The following RASA3 variants were observed in gnomAD, a reference collection of about 807,000 sequenced individuals.
RASA3 encodes RAS p21 protein activator 3.
Under a neutral mutation model 110.0 loss-of-function variants are expected in RASA3, and 73 were observed. That is an observed-to-expected ratio of 0.66 (90% CI 0.55 to 0.81). RASA3 has a LOEUF of 0.81. Ranked by LOEUF, RASA3 falls within the 30% of genes least tolerant of loss-of-function variation. The pLI is 0.00. For synonymous variants in RASA3, 500 were observed against 451.4 expected, an observed-to-expected ratio of 1.11 and a Z score of -1.37; for missense variants, 976 against 1,113.2, an observed-to-expected ratio of 0.88 and a Z score of 1.75.
chr13:114,007,239 G>A (rs375390547), intron 18 of RASA3, among the ~76,000 whole-genome samples: 3 of 4,890 alleles, frequency 6.1e-4, no homozygotes, highest in Admixed American at 2.0e-3. Flanking sequence ...CCTGCCGGAC[G>A]CCACCTTACC....
chr13:114,030,753 A>G (rs2054148278), intron 4 of RASA3, among the ~76,000 whole-genome samples: 1 of 138,432 alleles, frequency 7.2e-6, no homozygotes, highest in Non-Finnish European at 1.5e-5. Flanking sequence ...TTGTGTGTGC[A>G]GCTGTGTATG....
chr13:113,984,410 A>G (rs2053003750), intron 22 of RASA3, among the ~76,000 whole-genome samples: 1 of 83,178 alleles, frequency 1.2e-5, no homozygotes, highest in Non-Finnish European at 2.7e-5. Flanking sequence ...CCCATCACTC[A>G]CCCCTTTGTC....
At chr13:114,022,959 T>C (rs892364461) in intron 8 of RASA3, among the ~76,000 whole-genome samples, 5 of 152,122 alleles carry the variant, frequency 3.3e-5, no homozygotes, top group African/African-American at 1.2e-4. Flanking sequence ...TGGATCTGAC[T>C]GACCACGTCA....
intron 8 of RASA3, 71 bp from the exon 9 acceptor site, chr13:114,021,579 G>T: frequency 8.0e-7 from 1 of 1,256,700 alleles, no homozygotes; most frequent in Non-Finnish European, 1.1e-6. Context: ...GACAGGCCAC[G>T]CTTTGTTCCC....
chr13:114,122,435 T>C (rs9805859), intron 1 of RASA3, among the ~76,000 whole-genome samples: 73,156 of 152,048 alleles, frequency 0.48, 17,715 homozygotes, highest in Admixed American at 0.55. Context: ...GCCCTGTCCA[T>C]CAGTCTGACC....
chr13:113,990,172 T>C (rs1198790751), intron 22 of RASA3, among the ~76,000 whole-genome samples: 2 of 152,182 alleles, frequency 1.3e-5, no homozygotes, highest in East Asian at 1.9e-4. Context: ...TCCCCAACCA[T>C]GCTTCCTGTA....
rs1555343913 is a variant in RASA3, at chr13:114,112,104, C to CA, written c.55+20330_55+20331insT. 2.6e-5 allele frequency among the ~76,000 whole-genome samples: 4 copies of CA among 151,886 alleles called. No individual in the cohort carries two copies. The highest frequency in any genetic ancestry group is 9.7e-5 in the African/African-American group (4 of 41,366). ...GGAAACAGCAGCCCCCAGGCACCCC[C>CA]CCCAGCAACTGGGACAAGGGCACAC... On this transcript the variant is annotated intron_variant, in intron 1 of 23. Transcript: ENST00000334062. This position sits in a 1 kb window ranked among gnomAD's most constrained non-coding sequence, Gnocchi z 4.8.
At chr13:114,075,820 G>A in intron 1 of RASA3, among the ~76,000 whole-genome samples, 1 of 84,570 alleles carries the variant, frequency 1.2e-5, no homozygotes, top group South Asian at 5.0e-4. Context: ...CCGGCAGGAC[G>A]AAGCCTCCCG....
At chr13:114,025,290 T>G (rs2054006795) in intron 7 of RASA3, among the ~76,000 whole-genome samples, 1 of 152,270 alleles carries the variant, frequency 6.6e-6, no homozygotes, top group Non-Finnish European at 1.5e-5. Flanking sequence ...GGGGCAGTTC[T>G]CTGCTTCGGG....
Position 113,982,001 on chromosome 13 carries a change from A to C in RASA3, c.2246-143T>G, listed in dbSNP as rs547656206. 28 of 712,600 alleles carry C rather than the reference A, an allele frequency of 3.9e-5. No individual in the cohort carries two copies. In the East Asian group the frequency reaches 7.9e-4, roughly 20 times the overall value. The allele number at this position is 712,600 out of a possible 1,614,324, so 44.1% of individuals were successfully genotyped here. On this transcript the variant is annotated intron_variant, in intron 22 of 23. Coordinates refer to ENST00000334062, the MANE Select transcript of RASA3 (RefSeq NM_007368.4). ...CCAGAAAGGGCTGACCACCACTCGT[A>C]AACGCAGACGGAGATAGAAACCATT...
intron 3 of RASA3, among the ~76,000 whole-genome samples, chr13:114,041,662 C>T (rs1325454192): frequency 6.6e-6 from 1 of 152,256 alleles, no homozygotes; most frequent in East Asian, 1.9e-4. Context: ...CAGCCTGAAA[C>T]ACACGTGTGC....
chr13:114,067,645 T>C (rs2079477339), intron 2 of RASA3, among the ~76,000 whole-genome samples: 1 of 152,174 alleles, frequency 6.6e-6, no homozygotes, highest in Non-Finnish European at 1.5e-5. Context: ...AAAGTACTAT[T>C]TTGGGGGTGA....
chr13:114,083,132 C>T (rs2079808804), intron 1 of RASA3, among the ~76,000 whole-genome samples: 1 of 152,230 alleles, frequency 6.6e-6, no homozygotes, highest in Admixed American at 6.5e-5. Context: ...ACTGGGAATG[C>T]TGGCGCTTCA....
intron 3 of RASA3, among the ~76,000 whole-genome samples, chr13:114,049,895 G>T (rs909376711): frequency 6.6e-6 from 1 of 152,246 alleles, no homozygotes; most frequent in Admixed American, 6.5e-5. Flanking sequence ...TGGGGCAGGG[G>T]AGGCAGGTCA....
rs143011304 is a variant in RASA3 at position 114,082,621 on chromosome 13, C to T, written c.56-8784G>A. 4.1e-4 allele frequency among the ~76,000 whole-genome samples: 62 copies of T among 152,322 alleles called. 1 individual carries two copies. Among genetic ancestry groups the T allele is most frequent in the Middle Eastern group, 6.8e-3 (2 of 294 alleles). On this transcript the variant is annotated intron_variant, in intron 1 of 23. Transcript: ENST00000334062. ...AACCATGAAGAACGTCTCCCAGCTGCGTCCCGTCTGGGGGCAGCCCCAGAG... is the reference window on the plus strand; with the variant it reads ...AACCATGAAGAACGTCTCCCAGCTGTGTCCCGTCTGGGGGCAGCCCCAGAG...
chr13:114,069,479 C>T (rs2139651975), intron 2 of RASA3, among the ~76,000 whole-genome samples: 1 of 57,044 alleles, frequency 1.8e-5, no homozygotes, highest in Non-Finnish European at 3.4e-5. Flanking sequence ...GACTCGGGGG[C>T]CGGGAGACTC....
rs911392092 is a variant in RASA3 at position 114,014,967 on chromosome 13, T to C, written c.1405+242A>G. Among the ~76,000 whole-genome samples, 1 of 150,336 alleles carries C rather than the reference T, an allele frequency of 6.7e-6. No individual in the cohort carries two copies. The highest frequency in any genetic ancestry group is 1.5e-5 in the Non-Finnish European group (1 of 67,596). On this transcript the variant is annotated intron_variant, in intron 14 of 23. Coordinates refer to ENST00000334062, the MANE Select transcript of RASA3 (RefSeq NM_007368.4). The surrounding 1 kb of genome is among the most constrained non-coding windows in gnomAD (Gnocchi z 4.5). ...GCGGTGGTGATCTCCAGGGCTGGGG[T>C]CCCCTGGAGACTACTGTGGAGGTGA...
At chr13:114,110,192 C>T (rs1276092937) in intron 1 of RASA3, among the ~76,000 whole-genome samples, 1 of 152,206 alleles carries the variant, frequency 6.6e-6, no homozygotes, top group Non-Finnish European at 1.5e-5. Flanking sequence ...AAATCTAAGT[C>T]AGTGGGACAG....
chr13:114,009,289 G>C, intron 17 of RASA3, 98 bp downstream of exon 17: 1 of 1,001,922 alleles, frequency 1.0e-6, no homozygotes, highest in African/African-American at 1.6e-5. Flanking sequence ...ATCGCTAATG[G>C]CCAAGTCTGT....
Sources: gnomAD v4.1 joint callset for allele counts (sites outside exome capture counted in the v4.1 genomes callset) on GRCh38, gnomAD v4.1.1 for gene constraint, Gnocchi (gnomAD v3.1) non-coding constraint, MANE v1.5 for transcripts, NCBI Gene and HGNC (gene_info 2026-07-23, HGNC 2026-07-21) for gene names.